Variants in OPTC observed in about 807,000 individuals in gnomAD.
OPTC encodes the protein opticin.
OPTC carries 22 observed loss-of-function variants against 25.4 expected under a neutral mutation model. The observed-to-expected ratio is 0.87, with a 90% CI of 0.62 to 1.24. The LOEUF is 1.24. Ranked by LOEUF, OPTC falls within the 50% of genes most tolerant of loss-of-function variation. OPTC has a pLI of 0.00. For missense variants in OPTC, 417 were observed against 425.2 expected (o/e 0.98, Z 0.17); for synonymous variants, 169 against 179.3 (o/e 0.94, Z 0.46).
chr1:203,505,977 GTC>G (rs1661476879), intron 7 of OPTC, among the ~76,000 whole-genome samples: 1 of 147,054 alleles, frequency 6.8e-6, no homozygotes, highest in Admixed American at 6.8e-5. Context: ...TGTGTTTTCT[GTC>G]TCTCTCTCCC....
chr1:203,508,123 A>G (rs1661526391), intron 7 of OPTC, among the ~76,000 whole-genome samples: 1 of 152,210 alleles, frequency 6.6e-6, no homozygotes, highest in African/African-American at 2.4e-5. Context: ...TATAACAGAA[A>G]AAGAAAGATG....
chr1:203,505,949 A>AGTGTGT lies in OPTC; in HGVS notation c.*25+2205_*25+2206insTGTGTG, dbSNP rs1558240850. On this transcript the variant is annotated intron_variant, in intron 7 of 7. Transcript: ENST00000367222. ...CTCTGTGTGTGTCTCTCTCTCTCTC[A>AGTGTGT]GAGTGTGTGTGTGTGTGTGTGTTTT... Among the ~76,000 whole-genome samples, 223 of 141,640 alleles carry AGTGTGT rather than the reference A, an allele frequency of 1.6e-3. 1 individual carries two copies. In the South Asian group the frequency reaches 0.02, roughly 13 times the overall value. 92.9% of individuals were successfully genotyped at this position (141,640 alleles called of 152,430 possible).
chr1:203,495,167 A>G (rs1661257200), intron 1 of OPTC, among the ~76,000 whole-genome samples: 1 of 152,196 alleles, frequency 6.6e-6, no homozygotes, highest in African/African-American at 2.4e-5. Context: ...CCTGGAACTC[A>G]ATAGACACCC....
intron 5 of OPTC, among the ~76,000 whole-genome samples, chr1:203,501,983 C>G (rs1661398350): frequency 6.6e-6 from 1 of 152,112 alleles, no homozygotes; most frequent in Admixed American, 6.5e-5. Flanking sequence ...GCTTTGGAGC[C>G]ACAGAGACCT....
At chr1:203,503,471 G>C in intron 6 of OPTC, 79 bp from the exon 7 acceptor site, 1 of 1,403,644 alleles carries the variant, frequency 7.1e-7, no homozygotes, top group Non-Finnish European at 1.0e-6. Flanking sequence ...AGCTGGTAGG[G>C]ACAGCTGATG....
intron 7 of OPTC, among the ~76,000 whole-genome samples, chr1:203,504,858 A>G (rs1046728766): frequency 1.3e-5 from 2 of 152,204 alleles, no homozygotes; most frequent in African/African-American, 4.8e-5. Context: ...CGACCACCAG[A>G]GGGCAGCCTT....
In OPTC at chr1:203,503,749, A is replaced by G; in HGVS notation, c.*25+4A>G. On this transcript the variant is annotated splice_donor_region_variant and intron_variant, in intron 7 of 7. Coordinates refer to ENST00000367222, the MANE Select transcript of OPTC (RefSeq NM_014359.4). ...GGAGCCCTTCCACTCCTCCCAGGTA[A>G]GAACCCTCCAAGGACCATGCAGGCA... is the stretch of plus-strand genomic sequence containing the variant. 1 of 1,599,148 alleles carries G rather than the reference A, an allele frequency of 6.3e-7. No individual in the cohort carries two copies. The highest frequency in any genetic ancestry group is 8.5e-7 in the Non-Finnish European group (1 of 1,179,488).
rs535383741 is a variant in OPTC, at chr1:203,506,504, A to G, written c.*26-2142A>G. 5.3e-5 allele frequency among the ~76,000 whole-genome samples: 8 copies of G among 151,650 alleles called. No individual in the cohort carries two copies. In the East Asian group the frequency reaches 1.6e-3, roughly 29 times the overall value. ...TTAAAAAAAAAAAAGGTTTTCCAGA[A>G]CTGGGGCTTTTGGGTACTGGAAGCC... On this transcript the variant is annotated intron_variant, in intron 7 of 7. Coordinates refer to ENST00000367222, the MANE Select transcript of OPTC (RefSeq NM_014359.4).
intron 7 of OPTC, among the ~76,000 whole-genome samples, chr1:203,507,438 C>G (rs996281747): frequency 4.6e-5 from 7 of 152,194 alleles, no homozygotes; most frequent in African/African-American, 9.7e-5. Context: ...TCCACCTCCT[C>G]CAACACCAGA....
Position 203,496,234 on chromosome 1 carries a change from G to T in OPTC, c.229G>T (p.Glu77Ter), listed in dbSNP as rs140125203. Reference sequence around the variant, plus strand: ...CACAGATTATGGGGACCAACTCCCCGAGGTGAGGGACACAGCAGACCAACT... The same window carrying T: ...CACAGATTATGGGGACCAACTCCCCTAGGTGAGGGACACAGCAGACCAACT... ...ELTDYGDQLPEVKVTSLAPAT... is the reference protein window; with the variant it reads ...ELTDYGDQLP Residue 77 changes from glutamate to a stop codon, truncating the protein, a stop_gained and splice_region_variant, in exon 2 of 8, where the codon GAG becomes TAG. Transcript: ENST00000367222. LOFTEE classifies it high-confidence loss of function. The T allele has an allele frequency of 2.5e-6, 4 of 1,608,206 alleles. No homozygotes were observed. The highest frequency in any genetic ancestry group is 3.4e-6 in the Non-Finnish European group (4 of 1,174,816).
chr1:203,503,144 A>G, intron 6 of OPTC, 135 bp downstream of exon 6: 1 of 728,524 alleles, frequency 1.4e-6, no homozygotes, highest in Non-Finnish European at 2.4e-6. Context: ...GGTTTATTGG[A>G]GACAAGGATT....
At chr1:203,507,982 T>G (rs549772132) in intron 7 of OPTC, among the ~76,000 whole-genome samples, 1 of 152,340 alleles carries the variant, frequency 6.6e-6, no homozygotes, top group African/African-American at 2.4e-5. Flanking sequence ...CAGCAAGCTC[T>G]TTTACATATG....
intron 5 of OPTC, among the ~76,000 whole-genome samples, chr1:203,500,473 C>A (rs1661375106): frequency 6.7e-6 from 1 of 150,116 alleles, no homozygotes; most frequent in African/African-American, 2.5e-5. Context: ...CACCACCACC[C>A]ACCTGCACTA....
rs754754 is a variant in OPTC, at chr1:203,503,916, T to C, written c.*25+171T>C. Among the ~76,000 whole-genome samples the C allele has an allele frequency of 0.6, 90,559 of 152,158 alleles. 28,124 individuals are homozygous for C. Among genetic ancestry groups the C allele is most frequent in the East Asian group, 0.8 (4,148 of 5,178 alleles). On this transcript the variant is annotated intron_variant, in intron 7 of 7. Transcript: ENST00000367222. ...CACACACACTCATGTACTGAAATGT[T>C]TTTCAGTAGCCAAATTTGCATTTCT... is the stretch of plus-strand genomic sequence containing the variant.
At chr1:203,504,229 CAATT>C (rs1661440628) in intron 7 of OPTC, among the ~76,000 whole-genome samples, 1 of 152,166 alleles carries the variant, frequency 6.6e-6, no homozygotes, top group Admixed American at 6.5e-5. Context: ...TATAAACTCA[CAATT>C]AAATATATTA....
intron 1 of OPTC, among the ~76,000 whole-genome samples, chr1:203,495,749 G>A (rs542727789): frequency 2.0e-5 from 3 of 152,268 alleles, no homozygotes; most frequent in Non-Finnish European, 2.9e-5. Flanking sequence ...TTGGGTGAGC[G>A]TGTAAAAACA....
intron 5 of OPTC, among the ~76,000 whole-genome samples, chr1:203,501,841 C>T (rs1186381988): frequency 6.6e-6 from 1 of 152,104 alleles, no homozygotes; most frequent in African/African-American, 2.4e-5. Flanking sequence ...TTTTCGGTCT[C>T]AAAGAACGGG....
chr1:203,500,288 A>C (rs1280164927), intron 5 of OPTC, among the ~76,000 whole-genome samples: 2 of 18,138 alleles, frequency 1.1e-4, no homozygotes, highest in Non-Finnish European at 9.9e-5. Flanking sequence ...CACCTCCACC[A>C]CCCACCTCCA....
At chr1:203,500,625 A>T (rs1311172066) in intron 5 of OPTC, among the ~76,000 whole-genome samples, 3 of 152,126 alleles carry the variant, frequency 2.0e-5, no homozygotes, top group South Asian at 4.1e-4. Flanking sequence ...CATCCCAAGA[A>T]CCTCCATGAA....
Sources: allele counts gnomAD v4.1 joint callset (sites outside exome capture counted in the v4.1 genomes callset), GRCh38; gene constraint gnomAD v4.1.1; transcripts MANE v1.5; gene names NCBI Gene and HGNC (gene_info 2026-07-23, HGNC 2026-07-21).